Variants in ROBO1 observed in about 807,000 individuals in gnomAD.
The protein encoded by ROBO1 is roundabout guidance receptor 1, also known as roundabout homolog 1.
A neutral mutation model predicts 195.9 loss-of-function variants in ROBO1; 149 were observed. That is an observed-to-expected ratio of 0.76 (90% CI 0.67 to 0.87). The LOEUF is 0.87. ROBO1 is among the 40% of genes least tolerant of loss of function. The pLI, the probability that ROBO1 is intolerant of heterozygous loss-of-function variation, is 0.00. For missense variants in ROBO1, 1,933 were observed against 2,068.3 expected (o/e 0.93, Z 1.27); for synonymous variants, 816 against 733.2 (o/e 1.11, Z -1.82).
intron 8 of ROBO1, among the ~76,000 whole-genome samples, chr3:78,707,903 T>C (rs982453902): frequency 6.6e-6 from 1 of 152,104 alleles, no homozygotes; most frequent in African/African-American, 2.4e-5. Flanking sequence ...AAAAATGGGA[T>C]TGGATTTTCT....
chr3:78,787,754 A>G (rs1324733091), intron 4 of ROBO1, among the ~76,000 whole-genome samples: 1 of 152,052 alleles, frequency 6.6e-6, no homozygotes, highest in Non-Finnish European at 1.5e-5. Flanking sequence ...TTTCGAGACG[A>G]GCACAGGCAA....
chr3:79,468,931 TC>T (rs770559144), intron 2 of ROBO1, among the ~76,000 whole-genome samples: 7 of 152,172 alleles, frequency 4.6e-5, no homozygotes, highest in Non-Finnish European at 7.4e-5. Context: ...CTTGACCTTT[TC>T]CTTTGTATCA....
At chr3:79,744,922 A>AT (rs1703805759) in intron 1 of ROBO1, among the ~76,000 whole-genome samples, 1 of 151,970 alleles carries the variant, frequency 6.6e-6, no homozygotes, top group South Asian at 2.1e-4. Flanking sequence ...GAATATATAT[A>AT]TAAAAACATA....
intron 1 of ROBO1, among the ~76,000 whole-genome samples, chr3:79,614,694 A>T (rs1399864638): frequency 6.6e-6 from 1 of 152,258 alleles, no homozygotes; most frequent in South Asian, 2.1e-4. Context: ...AATACTGATG[A>T]GAAAAATGAA....
chr3:79,685,638 C>T (rs1222291398), intron 1 of ROBO1, among the ~76,000 whole-genome samples: 1 of 152,076 alleles, frequency 6.6e-6, no homozygotes, highest in Non-Finnish European at 1.5e-5. Context: ...AAGTTACAAA[C>T]CCATTGTGCA....
At chr3:79,049,974 A>G (rs1014655641) in intron 3 of ROBO1, among the ~76,000 whole-genome samples, 6 of 152,184 alleles carry the variant, frequency 3.9e-5, no homozygotes, top group Admixed American at 6.5e-5. Flanking sequence ...CGCTATGAAT[A>G]AACTGCATCA....
At chr3:78,784,469 C>T (rs1030706134) in intron 4 of ROBO1, among the ~76,000 whole-genome samples, 21 of 152,070 alleles carry the variant, frequency 1.4e-4, no homozygotes, top group Non-Finnish European at 2.9e-4. Context: ...TTTAGCTGTA[C>T]AGCTTTAAAA....
Position 79,668,425 on chromosome 3 carries a change from A to T in ROBO1, c.-50-78464T>A, listed in dbSNP as rs569179734. On this transcript the variant is annotated intron_variant, in intron 1 of 30. Transcript: ENST00000464233. ...GATTATAAATAAGTCTCTGTGAAGC[A>T]AAAAAAAAAACAGTGAAAGAATAAA... Among the ~76,000 whole-genome samples the T allele has an allele frequency of 7.4e-3, 24 of 3,230 alleles. No homozygotes were observed. In the East Asian group the frequency reaches 0.19, roughly 26 times the overall value. 2.1% of individuals were successfully genotyped at this position (3,230 alleles called of 152,430 possible).
intron 3 of ROBO1, among the ~76,000 whole-genome samples, chr3:78,949,561 C>A (rs1336135074): frequency 2.0e-5 from 3 of 151,942 alleles, no homozygotes; most frequent in South Asian, 2.1e-4. Flanking sequence ...AAAAACCCTA[C>A]AAGAAAACCT....
At chr3:78,609,750 T>C (rs768303042) in intron 28 of ROBO1, among the ~76,000 whole-genome samples, 28 of 152,184 alleles carry the variant, frequency 1.8e-4, no homozygotes, top group Non-Finnish European at 3.7e-4. Context: ...CATGAGAAAC[T>C]GTTAAATATT....
intron 3 of ROBO1, among the ~76,000 whole-genome samples, chr3:79,086,511 A>C (rs1223678226): frequency 2.6e-5 from 4 of 152,172 alleles, no homozygotes; most frequent in Admixed American, 2.6e-4. Context: ...GACAATTGGT[A>C]CAAGACATAT....
chr3:79,107,248 A>G (rs2079801638), intron 3 of ROBO1, among the ~76,000 whole-genome samples: 2 of 151,634 alleles, frequency 1.3e-5, no homozygotes, highest in South Asian at 4.1e-4. Context: ...GGTGCTACGC[A>G]AAGAGTGTTC....
chr3:79,011,090 C>G (rs1355116286), intron 3 of ROBO1, among the ~76,000 whole-genome samples: 1 of 152,140 alleles, frequency 6.6e-6, no homozygotes, highest in Non-Finnish European at 1.5e-5. Context: ...ACTGAAATTA[C>G]TTCCCAAACC....
chr3:79,619,998 C>T (rs576139534), intron 1 of ROBO1, among the ~76,000 whole-genome samples: 132 of 152,252 alleles, frequency 8.7e-4, no homozygotes, highest in African/African-American at 3.0e-3. Context: ...AGAGAAACCC[C>T]AGCCACATCT....
chr3:79,176,802 A>C (rs918513478), intron 2 of ROBO1, among the ~76,000 whole-genome samples: 8 of 152,180 alleles, frequency 5.3e-5, no homozygotes, highest in African/African-American at 1.9e-4. Context: ...CTCCCTATTC[A>C]GAATGCTACA....
chr3:79,521,730 C>A (rs1296883823), intron 2 of ROBO1, among the ~76,000 whole-genome samples: 2 of 152,092 alleles, frequency 1.3e-5, no homozygotes, highest in African/African-American at 4.8e-5. Flanking sequence ...ATATTTGTCA[C>A]CACCCCCCAC....
intron 3 of ROBO1, among the ~76,000 whole-genome samples, chr3:79,058,625 C>A (rs2078857477): frequency 6.6e-6 from 1 of 152,044 alleles, no homozygotes; most frequent in African/African-American, 2.4e-5. Context: ...TCCTCACATG[C>A]TGTTAGTGGG....
At chr3:79,591,040 A>G (rs1943984160) in intron 1 of ROBO1, among the ~76,000 whole-genome samples, 1 of 151,830 alleles carries the variant, frequency 6.6e-6, no homozygotes, top group African/African-American at 2.4e-5. Flanking sequence ...AATTTAGAAG[A>G]TAACTCTGGT....
At chr3:79,526,031 T>A (rs1009300204) in intron 2 of ROBO1, among the ~76,000 whole-genome samples, 7 of 152,158 alleles carry the variant, frequency 4.6e-5, no homozygotes, top group Non-Finnish European at 1.0e-4. Flanking sequence ...CAATGAAATC[T>A]TAGAGATAAT....
Sources: gnomAD v4.1 joint callset for allele counts (sites outside exome capture counted in the v4.1 genomes callset) on GRCh38, gnomAD v4.1.1 for gene constraint, MANE v1.5 for transcripts, NCBI Gene and HGNC (gene_info 2026-07-23, HGNC 2026-07-21) for gene names.